Variants in ZNF316 observed in about 807,000 individuals in gnomAD.
ZNF316 encodes zinc finger protein 316.
In ZNF316, 23 loss-of-function variants were observed where a neutral mutation model predicts 75.6. The observed-to-expected ratio is 0.30, with a 90% CI of 0.22 to 0.43. ZNF316 has a LOEUF of 0.43. ZNF316 is among the 20% of genes least tolerant of loss of function. The probability of loss-of-function intolerance (pLI) is 1.00; values close to 1 mark genes in which losing one functional copy is unlikely to be tolerated. For synonymous variants in ZNF316, 827 were observed against 666.2 expected, an observed-to-expected ratio of 1.24 and a Z score of -3.72; for missense variants, 1,266 against 1,409.4, an observed-to-expected ratio of 0.90 and a Z score of 1.63.
At position 6,653,310 on chromosome 7, in the gene ZNF316, C is replaced by G. The variant is rs1014838784; in HGVS notation, c.1714C>G (p.Pro572Ala). The change falls in exon 9 of 9, where the codon CCC becomes GCC. Residue 572 changes from proline (P) to alanine (A), a missense_variant. Pro to Ala is a conservative substitution (Grantham distance 27). This residue lies in a region of ZNF316 where 961 missense variants were observed against 990.9 expected (regional missense o/e 0.97). Transcript: ENST00000382252. ...AAPTPSGKVD[P>A]APERRFLELG... is the part of the protein sequence containing the mutation. ...GCCCACCCCCAGCGGCAAGGTGGAC[C>G]CCGCGCCGGAACGGCGCTTCCTGGA... is the stretch of plus-strand genomic sequence containing the variant. The G allele has an allele frequency of 1.6e-6, 2 of 1,226,822 alleles. No homozygotes were observed. Among genetic ancestry groups the G allele is most frequent in the African/African-American group, 3.1e-5 (2 of 64,050 alleles). The allele number at this position is 1,226,822 out of a possible 1,614,324, so 76.0% of individuals were successfully genotyped here. A position where few individuals can be genotyped will look rare whatever the true frequency, so the allele number is the denominator to read the frequency against.
At chr7:6,643,671 C>T (rs1779350597) in intron 6 of ZNF316, among the ~76,000 whole-genome samples, 151 bp from the exon 7 acceptor site, 1 of 152,212 alleles carries the variant, frequency 6.6e-6, no homozygotes, top group Non-Finnish European at 1.5e-5. Context: ...TCCTTGCTTT[C>T]CAGGGCTGTG....
rs1334833730 is a variant in ZNF316 at position 6,657,273 on chromosome 7, TG to T, written c.*2663del. 1.5e-5 allele frequency among the ~76,000 whole-genome samples: 2 copies of T among 129,708 alleles called. No individual in the cohort carries two copies. Among genetic ancestry groups the T allele is most frequent in the Non-Finnish European group, 1.5e-5 (1 of 65,488 alleles). 85.1% of individuals were successfully genotyped at this position (129,708 alleles called of 152,430 possible). A position where few individuals can be genotyped will look rare whatever the true frequency, so the allele number is the denominator to read the frequency against. On this transcript the variant is annotated 3_prime_UTR_variant, in exon 9 of 9. Coordinates refer to ENST00000382252, the MANE Select transcript of ZNF316 (RefSeq NM_001278559.2). ...CCTTCCAAAGTGCTGGGATTGCAGG[TG>T]TGAGTCACCGCGCCCGGCCAGAGCA... is the stretch of plus-strand genomic sequence containing the variant.
Position 6,644,521 on chromosome 7 carries a change from C to G in ZNF316, c.634C>G (p.Gln212Glu). The G allele has an allele frequency of 1.6e-6, 2 of 1,232,288 alleles. No homozygotes were observed. Among genetic ancestry groups the G allele is most frequent in the Non-Finnish European group, 1.0e-6 (1 of 988,014 alleles). The allele number at this position is 1,232,288 out of a possible 1,614,324, so 76.3% of individuals were successfully genotyped here. The change falls in exon 8 of 9, where the codon CAA becomes GAA. Residue 212 changes from glutamine to glutamate, a missense_variant. Physicochemically the swap from Gln to Glu is conservative, Grantham distance 29. Coordinates refer to ENST00000382252, the MANE Select transcript of ZNF316 (RefSeq NM_001278559.2). Reference sequence around the variant, plus strand: ...GCCCGATCTGATCTTCCGGCTGGAACAAGGGGAAGAACCTTGGGTCCCAGA... The same window carrying G: ...GCCCGATCTGATCTTCCGGCTGGAAGAAGGGGAAGAACCTTGGGTCCCAGA... Reference protein sequence around the residue: ...PKPDLIFRLEQGEEPWVPDSP... With the variant: ...PKPDLIFRLEEGEEPWVPDSP...
chr7:6,652,601 A>T lies in ZNF316; in HGVS notation c.1005A>T (p.Ala335=). 1 of 1,230,402 alleles carries T rather than the reference A, an allele frequency of 8.1e-7. No homozygotes were observed. The highest frequency in any genetic ancestry group is 3.1e-4 in the Middle Eastern group (1 of 3,200). The allele number at this position is 1,230,402 out of a possible 1,614,324, so 76.2% of individuals were successfully genotyped here. Residue 335 remains alanine, a synonymous_variant, in exon 9 of 9, where the codon GCA becomes GCT. Transcript: ENST00000382252. ...TGTCGCCCTGGGCGTTCCCCGCCGC[A>T]GTGGCCCCGCCGGCCGGGAGGCCGG... ...NLLSPWAFPA[A]VAPPAGRPET...
chr7:6,652,161 T>G (rs1331227652), intron 8 of ZNF316, 142 bp from the exon 9 acceptor site: 1 of 760,780 alleles, frequency 1.3e-6, no homozygotes, highest in African/African-American at 1.8e-5. Flanking sequence ...GCTCACTTGG[T>G]GAAAGGAGGT....
At position 6,642,679 on chromosome 7, in the gene ZNF316, G is replaced by T; in HGVS notation, c.270G>T (p.Leu90=). The change falls in exon 5 of 9, where the codon CTG becomes CTT. Residue 90 remains leucine, a synonymous_variant. Transcript: ENST00000382252. This position sits in a 1 kb window ranked among gnomAD's most constrained non-coding sequence, Gnocchi z 8.1. ...AGGAGGAGGATGTGAAGGAGGTGCTGGCAGAGGAGGAGTGTCCGGCGTTGG... is the reference window on the plus strand; with the variant it reads ...AGGAGGAGGATGTGAAGGAGGTGCTTGCAGAGGAGGAGTGTCCGGCGTTGG... ...DVEEEDVKEV[L]AEEECPALGT... The T allele has an allele frequency of 8.1e-7, 1 of 1,236,434 alleles. No individual in the cohort carries two copies. Among genetic ancestry groups the T allele is most frequent in the Non-Finnish European group, 1.0e-6 (1 of 991,016 alleles). The allele number at this position is 1,236,434 out of a possible 1,614,324, so 76.6% of individuals were successfully genotyped here. A position where few individuals can be genotyped will look rare whatever the true frequency, so the allele number is the denominator to read the frequency against.
In ZNF316 at chr7:6,654,627, C is replaced by CGA; in HGVS notation, c.*16_*17insGA. ...CGTCCTGTGAGGGGCCCGGGGCCGACAGCAGCGCAGCCTGCAGGGCCACCG... is the reference window on the plus strand; with the variant it reads ...CGTCCTGTGAGGGGCCCGGGGCCGACGAAGCAGCGCAGCCTGCAGGGCCACCG... On this transcript the variant is annotated 3_prime_UTR_variant, in exon 9 of 9. Transcript: ENST00000382252. 8.4e-7 allele frequency: 1 copy of CGA among 1,183,444 alleles called. No individual in the cohort carries two copies. The highest frequency in any genetic ancestry group is 1.0e-6 in the Non-Finnish European group (1 of 956,634). The allele number at this position is 1,183,444 out of a possible 1,614,324, so 73.3% of individuals were successfully genotyped here.
At position 6,657,671 on chromosome 7, in the gene ZNF316, C is replaced by T. The variant is rs999104502; in HGVS notation, c.*3060C>T. Among the ~76,000 whole-genome samples, 1 of 151,792 alleles carries T rather than the reference C, an allele frequency of 6.6e-6. No homozygotes were observed. Among genetic ancestry groups the T allele is most frequent in the East Asian group, 1.9e-4 (1 of 5,182 alleles). On this transcript the variant is annotated 3_prime_UTR_variant, in exon 9 of 9. Coordinates refer to ENST00000382252, the MANE Select transcript of ZNF316 (RefSeq NM_001278559.2). ...GGCCAGCTGGGACAACACGGCAAAA[C>T]TCTTGTCTCTATAAAAAATACAAAA... is the stretch of plus-strand genomic sequence containing the variant.
intron 2 of ZNF316, among the ~76,000 whole-genome samples, chr7:6,638,635 G>A (rs1314647823): frequency 1.3e-5 from 2 of 151,978 alleles, no homozygotes; most frequent in Non-Finnish European, 2.9e-5. Context: ...CAGGGCCCTA[G>A]TAGAAATGAG....
chr7:6,649,466 T>C (rs1265582604), intron 8 of ZNF316, among the ~76,000 whole-genome samples: 1 of 152,216 alleles, frequency 6.6e-6, no homozygotes, highest in Non-Finnish European at 1.5e-5. Context: ...TGAGCTGTGA[T>C]GAGGCCTGAC....
intron 8 of ZNF316, among the ~76,000 whole-genome samples, chr7:6,649,526 G>A (rs111494567): frequency 0.012 from 1,806 of 152,296 alleles, 30 homozygotes; most frequent in African/African-American, 0.041. Flanking sequence ...ACGCCCTCGG[G>A]GCCTTGTCCC....
rs1346147749 is a variant in ZNF316 at position 6,653,351 on chromosome 7, G to T, written c.1755G>T (p.Leu585=). The T allele has an allele frequency of 2.4e-6, 3 of 1,225,904 alleles. No individual in the cohort carries two copies. The East Asian group carries it at 9.5e-5, about 39-fold the overall frequency. The allele number at this position is 1,225,904 out of a possible 1,614,324, so 75.9% of individuals were successfully genotyped here. The change falls in exon 9 of 9, where the codon CTG becomes CTT. Residue 585 remains leucine, a synonymous_variant. Transcript: ENST00000382252. ...ERRFLELGNG[L]GEGEGPSSHP... Reference sequence around the variant, plus strand: ...GCTTCCTGGAGCTGGGCAACGGCCTGGGGGAGGGCGAAGGCCCCTCCTCCC... The same window carrying T: ...GCTTCCTGGAGCTGGGCAACGGCCTTGGGGAGGGCGAAGGCCCCTCCTCCC...
In ZNF316 at chr7:6,640,983, C is replaced by T. The variant is rs545762797; in HGVS notation, c.-166-842C>T. Among the ~76,000 whole-genome samples, 2 of 152,250 alleles carry T rather than the reference C, an allele frequency of 1.3e-5. No individual in the cohort carries two copies. Among genetic ancestry groups the T allele is most frequent in the South Asian group, 4.1e-4 (2 of 4,828 alleles). ...GAGTGAATGAAACCTTTTTTCTTTG[C>T]CACTTACTCAGCCTCAGGTATTCCT... On this transcript the variant is annotated intron_variant, in intron 3 of 8. Transcript: ENST00000382252. This position sits in a 1 kb window ranked among gnomAD's most constrained non-coding sequence, Gnocchi z 5.1.
chr7:6,648,014 AC>A (rs1779439815), intron 8 of ZNF316, among the ~76,000 whole-genome samples: 3 of 152,194 alleles, frequency 2.0e-5, no homozygotes, highest in Admixed American at 2.0e-4. Flanking sequence ...CCCTGGGATC[AC>A]CACTGCCTCC....
chr7:6,644,940 G>A, intron 8 of ZNF316, among the ~76,000 whole-genome samples: 1 of 152,246 alleles, frequency 6.6e-6, no homozygotes, highest in Non-Finnish European at 1.5e-5. Flanking sequence ...TGATGGCACA[G>A]TGCTAGCCGT....
rs58651957 is a variant in ZNF316 at position 6,655,784 on chromosome 7, C to CG, written c.*1180dup. On this transcript the variant is annotated 3_prime_UTR_variant, in exon 9 of 9. Coordinates refer to ENST00000382252, the MANE Select transcript of ZNF316 (RefSeq NM_001278559.2). ...CAGCTTGCACAGTGGCTGTCCACCT[C>CG]GGGGGGGTGTGGACCTGAGCCGTGG... 50,491 of 152,032 alleles carry CG rather than the reference C, an allele frequency of 0.33. 9,642 individuals carry two copies. Among genetic ancestry groups the CG allele is most frequent in the African/African-American group, 0.53 (21,998 of 41,416 alleles). The allele number at this position is 152,032 out of a possible 1,614,324, so 9.4% of individuals were successfully genotyped here. A position where few individuals can be genotyped will look rare whatever the true frequency, so the allele number is the denominator to read the frequency against.
Position 6,652,487 on chromosome 7 carries a change from G to C in ZNF316, c.891G>C (p.Trp297Cys), listed in dbSNP as rs1779525113. Residue 297 changes from tryptophan to cysteine, a missense_variant, in exon 9 of 9, where the codon TGG (tryptophan) becomes TGC (cysteine). This residue lies in a region of ZNF316 where 961 missense variants were observed against 990.9 expected (regional missense o/e 0.97). Coordinates refer to ENST00000382252, the MANE Select transcript of ZNF316 (RefSeq NM_001278559.2). ...DSDSAQTPEG[W>C]GPDPGGLGVL... The stretch of plus-strand genomic sequence containing the variant: ...ATTCGGCGCAGACTCCAGAGGGGTG[G>C]GGACCCGACCCAGGCGGCCTGGGGG... 5.7e-6 allele frequency: 7 copies of C among 1,231,556 alleles called. No individual in the cohort carries two copies. The East Asian group carries it at 2.2e-4, about 39-fold the overall frequency. The allele number at this position is 1,231,556 out of a possible 1,614,324, so 76.3% of individuals were successfully genotyped here. A position where few individuals can be genotyped will look rare whatever the true frequency, so the allele number is the denominator to read the frequency against.
In ZNF316 at chr7:6,653,102, C is replaced by A. The variant is rs1779541645; in HGVS notation, c.1506C>A (p.Arg502=). The A allele has an allele frequency of 2.5e-6, 3 of 1,178,806 alleles. No homozygotes were observed. The East Asian group carries it at 1.2e-4, about 45-fold the overall frequency. 73.0% of individuals were successfully genotyped at this position (1,178,806 alleles called of 1,614,324 possible). A position where few individuals can be genotyped will look rare whatever the true frequency, so the allele number is the denominator to read the frequency against. The part of the protein sequence containing the change: ...QAFRLRADFQ[R]HRRGGGCAEA... The stretch of plus-strand genomic sequence containing the variant: ...TCCGCCTGCGCGCCGACTTCCAGCG[C>A]CACCGACGCGGCGGGGGCTGCGCGG... Residue 502 remains arginine, a synonymous_variant, in exon 9 of 9, where the codon CGC becomes CGA. Transcript: ENST00000382252.
chr7:6,654,291 C>T lies in ZNF316; in HGVS notation c.2695C>T (p.Arg899Cys). ...TGAGTGCGGCAAGCGCTTTTCGCAG[C>T]GCTCGGTGCTGGTCACGCACCAGCG... Reference protein sequence around the residue: ...CPECGKRFSQRSVLVTHQRTH... With the variant: ...CPECGKRFSQCSVLVTHQRTH... The change falls in exon 9 of 9, where the codon CGC (arginine) becomes TGC (cysteine). Residue 899 changes from arginine (R) to cysteine (C), a missense_variant. By Grantham distance (180) the Arg-to-Cys change is radical (BLOSUM62 -3). Transcript: ENST00000382252. 1.6e-6 allele frequency: 2 copies of T among 1,223,774 alleles called. No individual in the cohort carries two copies. Among genetic ancestry groups the T allele is most frequent in the Non-Finnish European group, 2.0e-6 (2 of 982,376 alleles). 75.8% of individuals were successfully genotyped at this position (1,223,774 alleles called of 1,614,324 possible). A position where few individuals can be genotyped will look rare whatever the true frequency, so the allele number is the denominator to read the frequency against.
Sources: gnomAD v4.1 joint callset for allele counts (sites outside exome capture counted in the v4.1 genomes callset) on GRCh38, gnomAD v4.1.1 for gene constraint, gnomAD v4.1.1 regional missense constraint, Gnocchi (gnomAD v3.1) non-coding constraint, MANE v1.5 for transcripts, NCBI Gene and HGNC (gene_info 2026-07-23, HGNC 2026-07-21) for gene names.